Variants in ANO3 observed in about 807,000 individuals in gnomAD.
ANO3 encodes the protein anoctamin-3.
A neutral mutation model predicts 144.8 loss-of-function variants in ANO3; 99 were observed. That is an observed-to-expected ratio of 0.68 (90% CI 0.58 to 0.81). The LOEUF (loss-of-function observed/expected upper bound fraction) is 0.81, where lower values mean the gene tolerates loss of function less well. Among genes scored for constraint, ANO3 ranks in the 30% least tolerant of loss-of-function variants. The probability of loss-of-function intolerance (pLI) is 0.00; values close to 1 mark genes in which losing one functional copy is unlikely to be tolerated. For missense variants in ANO3, 905 were observed against 1,202.2 expected (o/e 0.75, Z 3.66); for synonymous variants, 414 against 392.6 (o/e 1.05, Z -0.64).
intron 1 of ANO3, among the ~76,000 whole-genome samples, chr11:26,381,064 G>T (rs540386195): frequency 6.6e-6 from 1 of 152,062 alleles, no homozygotes; most frequent in African/African-American, 2.4e-5. Flanking sequence ...AGACTGAATC[G>T]AGGCCCCTGA....
chr11:26,535,548 T>G (rs1849485013), intron 9 of ANO3, among the ~76,000 whole-genome samples: 1 of 140,276 alleles, frequency 7.1e-6, no homozygotes, highest in Admixed American at 7.3e-5. Flanking sequence ...ATAGGTAAAA[T>G]ACACTATGTT....
chr11:26,469,417 C>T (rs769069663), intron 4 of ANO3, among the ~76,000 whole-genome samples: 58 of 151,922 alleles, frequency 3.8e-4, no homozygotes, highest in Non-Finnish European at 7.4e-4. Flanking sequence ...CATTTAAAAA[C>T]ATTCAAATGT....
chr11:26,293,576 T>TATATATATATATA (rs1854016890), intron 1 of ANO3, among the ~76,000 whole-genome samples: 4 of 138,010 alleles, frequency 2.9e-5, no homozygotes, highest in Non-Finnish European at 4.7e-5. Flanking sequence ...TATATATATA[T>TATATATATATATA]TCCTGTTGTT....
intron 1 of ANO3, among the ~76,000 whole-genome samples, chr11:26,194,439 GGTGTGTGTGT>G (rs1161631402): frequency 9.1e-4 from 55 of 60,608 alleles, no homozygotes; most frequent in Non-Finnish European, 1.4e-3. Context: ...GGTACATAGT[GGTGTGTGTGT>G]GTGTGTGTGT....
intron 1 of ANO3, among the ~76,000 whole-genome samples, chr11:26,239,742 G>A (rs940274229): frequency 2.6e-5 from 4 of 152,140 alleles, no homozygotes; most frequent in Admixed American, 6.5e-5. Flanking sequence ...TAACGGGCAC[G>A]TAGTAAGTGT....
intron 12 of ANO3, among the ~76,000 whole-genome samples, chr11:26,548,001 G>A (rs1432746623): frequency 6.6e-6 from 1 of 151,722 alleles, no homozygotes; most frequent in Non-Finnish European, 1.5e-5. Flanking sequence ...AGCTCTTTTT[G>A]CACATGAGGG....
At chr11:26,406,716 TGTGTGTGTGG>T (rs1437132894) in intron 1 of ANO3, among the ~76,000 whole-genome samples, 2 of 145,588 alleles carry the variant, frequency 1.4e-5, no homozygotes, top group African/African-American at 5.4e-5. Context: ...TGTGTGTGTG[TGTGTGTGTGG>T]ATTGGTGGCA....
chr11:26,217,823 G>A (rs1487481095), intron 1 of ANO3, among the ~76,000 whole-genome samples: 1 of 69,664 alleles, frequency 1.4e-5, no homozygotes, highest in African/African-American at 4.3e-5. Flanking sequence ...TCAAAAACAG[G>A]TTGTTGTTGT....
At chr11:26,600,619 T>TC (rs1233457706) in intron 17 of ANO3, among the ~76,000 whole-genome samples, 6 of 107,006 alleles carry the variant, frequency 5.6e-5, no homozygotes, top group Admixed American at 5.5e-4. Flanking sequence ...TTCTTCTCAC[T>TC]CCCCCTCCCT....
chr11:26,536,994 A>G (rs1849525828), intron 9 of ANO3, among the ~76,000 whole-genome samples: 2 of 150,538 alleles, frequency 1.3e-5, no homozygotes. Context: ...TCTCAATACC[A>G]ATATCCTTTA....
chr11:26,222,727 C>T (rs2133793762), intron 1 of ANO3, among the ~76,000 whole-genome samples: 1 of 152,342 alleles, frequency 6.6e-6, no homozygotes, highest in South Asian at 2.1e-4. Context: ...AGGCTTATGG[C>T]TTGCACCCTC....
At chr11:26,194,497 T>G (rs1261819900) in intron 1 of ANO3, among the ~76,000 whole-genome samples, 30 of 149,050 alleles carry the variant, frequency 2.0e-4, no homozygotes, top group African/African-American at 7.5e-4. Context: ...TATTATTTAT[T>G]TATTTATTTA....
intron 21 of ANO3, among the ~76,000 whole-genome samples, chr11:26,640,783 G>A (rs958825531): frequency 1.3e-5 from 2 of 152,116 alleles, no homozygotes; most frequent in East Asian, 1.9e-4. Context: ...AAAATTGAGC[G>A]GGAGTAGACC....
chr11:26,526,261 T>C (rs1035286663), intron 7 of ANO3, among the ~76,000 whole-genome samples: 1 of 152,146 alleles, frequency 6.6e-6, no homozygotes, highest in African/African-American at 2.4e-5. Context: ...AGAATAACTA[T>C]GGAAAAGGAG....
intron 14 of ANO3, among the ~76,000 whole-genome samples, chr11:26,568,550 T>C (rs1364833030): frequency 6.6e-6 from 1 of 151,966 alleles, no homozygotes; most frequent in African/African-American, 2.4e-5. Context: ...TACAAAACAC[T>C]GATAATATAA....
chr11:26,630,806 G>A (rs544470103), intron 18 of ANO3, among the ~76,000 whole-genome samples: 2 of 152,182 alleles, frequency 1.3e-5, no homozygotes, highest in African/African-American at 4.8e-5. Context: ...ACACTATGCT[G>A]TATTAAGTCA....
intron 4 of ANO3, among the ~76,000 whole-genome samples, chr11:26,484,899 T>G (rs1176658743): frequency 2.6e-5 from 4 of 152,306 alleles, no homozygotes; most frequent in African/African-American, 9.6e-5. Flanking sequence ...ATTTATGATT[T>G]AATAACTGCC....
chr11:26,436,265 G>A (rs932180009), intron 1 of ANO3, among the ~76,000 whole-genome samples: 1 of 152,200 alleles, frequency 6.6e-6, no homozygotes, highest in Non-Finnish European at 1.5e-5. Context: ...AGAGAGCAAA[G>A]ATGGTAACCT....
At chr11:26,643,414 A>T in intron 23 of ANO3, 80 bp downstream of exon 23, 1 of 1,529,684 alleles carries the variant, frequency 6.5e-7, no homozygotes, top group Non-Finnish European at 8.9e-7. Context: ...CCAGATTCAT[A>T]TGTTGAAACT....
Sources: allele counts gnomAD v4.1 joint callset (sites outside exome capture counted in the v4.1 genomes callset), GRCh38; gene constraint gnomAD v4.1.1; transcripts MANE v1.5; gene names NCBI Gene and HGNC (gene_info 2026-07-23, HGNC 2026-07-21).